PPARGC1A: variants seen among roughly 807,000 people sequenced by gnomAD.
PPARGC1A encodes the protein PPARG coactivator 1 alpha.
PPARGC1A carries 25 observed loss-of-function variants against 88.7 expected under a neutral mutation model. The observed-to-expected ratio is 0.28, with a 90% CI of 0.21 to 0.39. The LOEUF is 0.39. PPARGC1A is among the 10% of genes least tolerant of loss of function. PPARGC1A has a pLI of 1.00. For missense variants in PPARGC1A, 880 were observed against 968.7 expected, an observed-to-expected ratio of 0.91 and a Z score of 1.22; for synonymous variants, 363 against 355.6, an observed-to-expected ratio of 1.02 and a Z score of -0.24.
At chr4:24,121,893 C>A in the PPARGC1A span, among the ~76,000 whole-genome samples, 1 of 152,158 alleles carries the variant, frequency 6.6e-6, no homozygotes, top group African/African-American at 2.4e-5. Context: ...CTGATTTTAG[C>A]ATCTTAACCC....
At chr4:24,059,832 C>T in the PPARGC1A span, among the ~76,000 whole-genome samples, 1 of 152,192 alleles carries the variant, frequency 6.6e-6, no homozygotes, top group African/African-American at 2.4e-5. Flanking sequence ...ATGTTATTCC[C>T]AGAGCCACAA....
chr4:24,230,056 A>G, the PPARGC1A span, among the ~76,000 whole-genome samples: 1 of 152,126 alleles, frequency 6.6e-6, no homozygotes. Context: ...ACCCTGCTCC[A>G]TTGTGGTTCT....
At chr4:23,936,123 A>G in the PPARGC1A span, among the ~76,000 whole-genome samples, 1 of 152,230 alleles carries the variant, frequency 6.6e-6, no homozygotes, top group Non-Finnish European at 1.5e-5. Flanking sequence ...ATTACCACAA[A>G]GCTTTCAGAT....
the PPARGC1A span, among the ~76,000 whole-genome samples, chr4:24,024,681 T>C: frequency 6.6e-6 from 1 of 152,212 alleles, no homozygotes; most frequent in Non-Finnish European, 1.5e-5. Flanking sequence ...TAGTATCTAA[T>C]GGCAATTTAA....
the PPARGC1A span, among the ~76,000 whole-genome samples, chr4:23,986,425 A>C: frequency 6.6e-6 from 1 of 152,074 alleles, no homozygotes; most frequent in Non-Finnish European, 1.5e-5. Context: ...TAAAAGTAAG[A>C]GTTAATAAGT....
chr4:24,395,059 C>A, the PPARGC1A span, among the ~76,000 whole-genome samples: 1 of 152,168 alleles, frequency 6.6e-6, no homozygotes, highest in African/African-American at 2.4e-5. Context: ...GCTAGAAATA[C>A]CTGGGTTCAA....
chr4:24,033,976 G>C, the PPARGC1A span, among the ~76,000 whole-genome samples: 45 of 152,336 alleles, frequency 3.0e-4, no homozygotes, highest in Non-Finnish European at 4.9e-4. Flanking sequence ...TCAGGAATCT[G>C]AGTGGTCCGT....
chr4:24,028,565 G>A, the PPARGC1A span, among the ~76,000 whole-genome samples: 1 of 152,186 alleles, frequency 6.6e-6, no homozygotes, highest in Admixed American at 6.5e-5. Flanking sequence ...TGTGCACTGT[G>A]AGTCAAGGAA....
chr4:23,971,377 A>C, the PPARGC1A span, among the ~76,000 whole-genome samples: 1 of 152,180 alleles, frequency 6.6e-6, no homozygotes, highest in Non-Finnish European at 1.5e-5. Context: ...CAGGAAAACC[A>C]CCTGTATTAG....
the PPARGC1A span, among the ~76,000 whole-genome samples, chr4:24,405,273 T>C: frequency 2.6e-5 from 4 of 152,120 alleles, no homozygotes; most frequent in Admixed American, 2.6e-4. Flanking sequence ...CTAAGTTGTA[T>C]GAAAAGGTGG....
At chr4:24,214,623 C>G in the PPARGC1A span, among the ~76,000 whole-genome samples, 16 of 152,290 alleles carry the variant, frequency 1.1e-4, no homozygotes, top group African/African-American at 3.6e-4. Context: ...TGCACTTGCT[C>G]TCTTGACTAG....
chr4:24,353,135 G>A, the PPARGC1A span, among the ~76,000 whole-genome samples: 71 of 151,808 alleles, frequency 4.7e-4, 1 homozygote, highest in African/African-American at 1.6e-3. Flanking sequence ...CCAAAATCTG[G>A]CTTAATGCAG....
At chr4:24,044,179 G>A in the PPARGC1A span, among the ~76,000 whole-genome samples, 78 of 152,314 alleles carry the variant, frequency 5.1e-4, 1 homozygote, top group African/African-American at 1.7e-3. Context: ...AACCCCTGCT[G>A]CCTTTACCAA....
intron 1 of PPARGC1A, among the ~76,000 whole-genome samples, chr4:23,887,379 A>G (rs1717092049): frequency 6.6e-6 from 1 of 152,222 alleles, no homozygotes; most frequent in African/African-American, 2.4e-5. Flanking sequence ...TGGCCTTTGG[A>G]CAATGCCAGA....
chr4:24,159,206 C>T, the PPARGC1A span, among the ~76,000 whole-genome samples: 40 of 109,860 alleles, frequency 3.6e-4, no homozygotes, highest in African/African-American at 1.4e-3. Flanking sequence ...GGAAATTAAC[C>T]TTTTTTTTTT....
the PPARGC1A span, among the ~76,000 whole-genome samples, chr4:24,390,721 G>A: frequency 1.6e-4 from 25 of 152,066 alleles, no homozygotes; most frequent in African/African-American, 6.0e-4. Flanking sequence ...AGGTTACGAA[G>A]TATTGTTTGA....
the PPARGC1A span, among the ~76,000 whole-genome samples, chr4:24,472,900 G>A: frequency 2.7e-5 from 4 of 149,864 alleles, no homozygotes; most frequent in African/African-American, 9.9e-5. This position sits in a 1 kb window ranked among gnomAD's most constrained non-coding sequence, Gnocchi z 4.5. Context: ...GCGGGCGGGC[G>A]TGTGCGCGCG....
chr4:24,050,433 T>C, the PPARGC1A span, among the ~76,000 whole-genome samples: 1 of 152,070 alleles, frequency 6.6e-6, no homozygotes, highest in African/African-American at 2.4e-5. Flanking sequence ...CCTGACCTTG[T>C]GATCCGCCCA....
chr4:23,854,944 C>G (rs1453440471), intron 2 of PPARGC1A, among the ~76,000 whole-genome samples: 1 of 152,152 alleles, frequency 6.6e-6, no homozygotes, highest in African/African-American at 2.4e-5. Context: ...GGCTGTGTCT[C>G]CATCCAAATC....
Sources: gnomAD v4.1 joint callset for allele counts (sites outside exome capture counted in the v4.1 genomes callset) on GRCh38, gnomAD v4.1.1 for gene constraint, Gnocchi (gnomAD v3.1) non-coding constraint, MANE v1.5 for transcripts, NCBI Gene and HGNC (gene_info 2026-07-23, HGNC 2026-07-21) for gene names.